The following RAPGEF5 variants were observed in gnomAD, a reference collection of about 807,000 sequenced individuals.
The protein encoded by RAPGEF5 is M-Ras-regulated GEF.
A neutral mutation model predicts 125.2 loss-of-function variants in RAPGEF5; 65 were observed. The observed-to-expected ratio is 0.52, with a 90% CI of 0.43 to 0.64. The LOEUF is 0.64. Ranked by LOEUF, RAPGEF5 falls within the 30% of genes least tolerant of loss-of-function variation. The pLI is 0.00. For synonymous variants in RAPGEF5, 391 were observed against 385.9 expected (o/e 1.01, Z -0.16); for missense variants, 958 against 1,048.1 (o/e 0.91, Z 1.19).
At chr7:22,241,364 C>T (rs949443919) in intron 7 of RAPGEF5, among the ~76,000 whole-genome samples, 4 of 151,956 alleles carry the variant, frequency 2.6e-5, no homozygotes, top group Admixed American at 2.6e-4. Flanking sequence ...TTTGCAAATA[C>T]AAGCAGTGAC....
At chr7:22,143,065 G>A (rs1418249487) in intron 20 of RAPGEF5, among the ~76,000 whole-genome samples, 1 of 152,032 alleles carries the variant, frequency 6.6e-6, no homozygotes, top group East Asian at 1.9e-4. Flanking sequence ...GAGCTGGGTG[G>A]TATCATCTTA....
rs1000375360 is a variant in RAPGEF5 at position 22,224,616 on chromosome 7, C to T, written c.871-4625G>A. ...TCTTGCTCTGCTCCCCAGTATGGCC[C>T]TCCCATACAAAAGACAGCATGTGGG... On this transcript the variant is annotated intron_variant, in intron 8 of 25. Transcript: ENST00000665637. 2.6e-4 allele frequency among the ~76,000 whole-genome samples: 39 copies of T among 152,028 alleles called. 1 individual carries two copies. The highest frequency in any genetic ancestry group is 2.9e-5 in the Non-Finnish European group (2 of 68,016).
At chr7:22,154,140 TA>T (rs1783722737) in intron 17 of RAPGEF5, among the ~76,000 whole-genome samples, 1 of 152,176 alleles carries the variant, frequency 6.6e-6, no homozygotes, top group Admixed American at 6.5e-5. Flanking sequence ...TTTCACTCTT[TA>T]GCAATTTCCC....
At chr7:22,160,435 T>A in intron 14 of RAPGEF5, 83 bp downstream of exon 14, 1 of 1,332,450 alleles carries the variant, frequency 7.5e-7, no homozygotes, top group Non-Finnish European at 1.0e-6. Flanking sequence ...AAAATCAACT[T>A]TTATGTATAA....
chr7:22,168,323 G>T (rs1784237831), intron 11 of RAPGEF5, among the ~76,000 whole-genome samples: 1 of 152,206 alleles, frequency 6.6e-6, no homozygotes, highest in African/African-American at 2.4e-5. Context: ...GTATCGAGGA[G>T]ACTGTGGCCT....
intron 7 of RAPGEF5, among the ~76,000 whole-genome samples, chr7:22,261,638 G>A (rs2686474): frequency 0.74 from 112,281 of 151,980 alleles, 42,045 homozygotes; most frequent in African/African-American, 0.86. Flanking sequence ...AAATAATAAC[G>A]ATAATATTAA....
intron 1 of RAPGEF5, among the ~76,000 whole-genome samples, chr7:22,348,962 C>T (rs1475456525): frequency 2.6e-5 from 4 of 151,340 alleles, no homozygotes; most frequent in Non-Finnish European, 5.9e-5. Flanking sequence ...TGGCACATGC[C>T]TGTAATCCCA....
intron 1 of RAPGEF5, chr7:22,356,100 C>T (rs1784415165): frequency 1.0e-6 from 1 of 985,404 alleles, no homozygotes. Flanking sequence ...AGCAGACCTT[C>T]CTGCTTCTCT....
chr7:22,272,300 G>A (rs922157425), intron 6 of RAPGEF5, among the ~76,000 whole-genome samples: 17 of 135,714 alleles, frequency 1.3e-4, no homozygotes, highest in African/African-American at 3.4e-4. Context: ...CTGAGACCAC[G>A]CCATTGCACT....
At chr7:22,351,487 C>T (rs754155584) in intron 1 of RAPGEF5, among the ~76,000 whole-genome samples, 9 of 152,132 alleles carry the variant, frequency 5.9e-5, no homozygotes, top group East Asian at 3.8e-4. Context: ...CTTGGCTCTA[C>T]GGAAACAGGA....
intron 25 of RAPGEF5, 100 bp from the exon 26 acceptor site, chr7:22,122,621 G>A (rs1467924415): frequency 2.4e-6 from 2 of 836,344 alleles, no homozygotes; most frequent in East Asian, 2.6e-5. Flanking sequence ...AATGTACTAG[G>A]TGGGTTCTCA....
At chr7:22,238,712 G>A (rs866794894) in intron 7 of RAPGEF5, among the ~76,000 whole-genome samples, 6 of 152,206 alleles carry the variant, frequency 3.9e-5, no homozygotes, top group Non-Finnish European at 7.3e-5. Context: ...TAAAAAATGA[G>A]TTAAATGGGA....
At chr7:22,288,468 C>T (rs1782849340) in intron 6 of RAPGEF5, among the ~76,000 whole-genome samples, 1 of 151,356 alleles carries the variant, frequency 6.6e-6, no homozygotes, top group African/African-American at 2.4e-5. Flanking sequence ...TCAGTTATCT[C>T]ACTCCTCCAC....
At chr7:22,311,398 G>A (rs1463003019) in intron 3 of RAPGEF5, among the ~76,000 whole-genome samples, 2 of 152,098 alleles carry the variant, frequency 1.3e-5, no homozygotes, top group African/African-American at 4.8e-5. Flanking sequence ...ACATTTATTT[G>A]TATTTCTAAA....
intron 1 of RAPGEF5, among the ~76,000 whole-genome samples, chr7:22,340,292 G>A (rs781692731): frequency 3.3e-5 from 5 of 152,138 alleles, no homozygotes; most frequent in Non-Finnish European, 5.9e-5. Flanking sequence ...AGAAAAGCTC[G>A]GGAGAGGAGA....
At chr7:22,150,379 T>C in intron 18 of RAPGEF5, 28 bp downstream of exon 18, 1 of 1,590,482 alleles carries the variant, frequency 6.3e-7, no homozygotes, top group South Asian at 1.2e-5. Flanking sequence ...GGCCTGTTTG[T>C]TTCAAATACA....
chr7:22,208,588 C>A (rs1785445485), intron 9 of RAPGEF5, among the ~76,000 whole-genome samples: 1 of 152,194 alleles, frequency 6.6e-6, no homozygotes. Flanking sequence ...TCTGGCTCAT[C>A]ACACTCAGCT....
chr7:22,173,228 AT>A (rs1207655823), intron 11 of RAPGEF5, among the ~76,000 whole-genome samples: 1 of 152,300 alleles, frequency 6.6e-6, no homozygotes, highest in Admixed American at 6.5e-5. Flanking sequence ...CACAAATAAA[AT>A]TTTTTTCATG....
chr7:22,248,054 C>G (rs1010253911), intron 7 of RAPGEF5, among the ~76,000 whole-genome samples: 8 of 152,114 alleles, frequency 5.3e-5, no homozygotes, highest in Non-Finnish European at 8.8e-5. Context: ...CATGCATACC[C>G]CAAACCTTAG....
Sources: gnomAD v4.1 joint callset for allele counts (sites outside exome capture counted in the v4.1 genomes callset) on GRCh38, gnomAD v4.1.1 for gene constraint, MANE v1.5 for transcripts, NCBI Gene and HGNC (gene_info 2026-07-23, HGNC 2026-07-21) for gene names.